Variants in XRN2 observed in about 807,000 individuals in gnomAD.
XRN2 encodes the protein DHM1-like protein.
In XRN2, 44 loss-of-function variants were observed where a neutral mutation model predicts 138.5. The ratio of observed to expected loss-of-function variants is 0.32; its 90% CI spans 0.25 to 0.41. XRN2 has a LOEUF of 0.41. Ranked by LOEUF, XRN2 falls within the 10% of genes least tolerant of loss-of-function variation. The pLI, the probability that XRN2 is intolerant of heterozygous loss-of-function variation, is 1.00. For synonymous variants in XRN2, 354 were observed against 369.4 expected (o/e 0.96, Z 0.48); for missense variants, 937 against 1,169.3 (o/e 0.80, Z 2.90).
At chr20:21,376,021 G>A (rs1178186159) in intron 27 of XRN2, among the ~76,000 whole-genome samples, 2 of 152,074 alleles carry the variant, frequency 1.3e-5, no homozygotes, top group East Asian at 3.9e-4. Context: ...TGTGTTTTTA[G>A]TAGAGACGGG....
chr20:21,374,857 T>G (rs1464041378), intron 27 of XRN2, among the ~76,000 whole-genome samples: 1 of 151,992 alleles, frequency 6.6e-6, no homozygotes, highest in Non-Finnish European at 1.5e-5. Context: ...TATCGTTAGA[T>G]TGTCGTCATT....
At chr20:21,308,187 C>T (rs898867293) in intron 1 of XRN2, among the ~76,000 whole-genome samples, 17 of 151,762 alleles carry the variant, frequency 1.1e-4, no homozygotes, top group Non-Finnish European at 2.2e-4. Flanking sequence ...CTGCCTGCCT[C>T]GTCTTTTAAT....
chr20:21,324,922 T>C (rs771657917), intron 1 of XRN2, among the ~76,000 whole-genome samples: 1 of 152,262 alleles, frequency 6.6e-6, no homozygotes, highest in African/African-American at 2.4e-5. Context: ...ATCACTATTA[T>C]CTGATTTTAG....
intron 1 of XRN2, among the ~76,000 whole-genome samples, chr20:21,318,720 T>G (rs1401400548): frequency 6.6e-6 from 1 of 152,156 alleles, no homozygotes; most frequent in Non-Finnish European, 1.5e-5. Flanking sequence ...TTGGTTATTT[T>G]GGACTGTGTT....
At chr20:21,320,021 AGTAACTTTAGTAAACTTTTT>A (rs2038015626) in intron 1 of XRN2, among the ~76,000 whole-genome samples, 1 of 152,156 alleles carries the variant, frequency 6.6e-6, no homozygotes, top group Admixed American at 6.5e-5. Context: ...CACTTGCTTT[AGTAACTTTAGTAAACTTTTT>A]GTAACTTTAT....
At chr20:21,383,599 A>C (rs1330836698) in intron 28 of XRN2, among the ~76,000 whole-genome samples, 2 of 152,182 alleles carry the variant, frequency 1.3e-5, no homozygotes, top group African/African-American at 2.4e-5. Flanking sequence ...ATTTACTCTG[A>C]GCGTAATATA....
intron 17 of XRN2, among the ~76,000 whole-genome samples, chr20:21,347,887 GT>G (rs1353896647): frequency 6.6e-6 from 1 of 152,150 alleles, no homozygotes; most frequent in African/African-American, 2.4e-5. Flanking sequence ...TGAATATGAA[GT>G]TTGGCAGTAA....
chr20:21,304,066 C>T (rs896454767), intron 1 of XRN2, among the ~76,000 whole-genome samples: 5 of 152,184 alleles, frequency 3.3e-5, no homozygotes, highest in Admixed American at 1.3e-4. Flanking sequence ...AGAAGTTACC[C>T]TTCTCTGTGT....
chr20:21,308,320 A>C (rs1251850514), intron 1 of XRN2, among the ~76,000 whole-genome samples: 1 of 152,232 alleles, frequency 6.6e-6, no homozygotes, highest in Non-Finnish European at 1.5e-5. Flanking sequence ...ACATCTCTGT[A>C]CAAGTCATTG....
chr20:21,365,610 A>G lies in XRN2; in HGVS notation c.2362A>G (p.Lys788Glu), dbSNP rs1312691105. 3 of 1,613,320 alleles carry G rather than the reference A, an allele frequency of 1.9e-6. No individual in the cohort carries two copies. In the African/African-American group the frequency reaches 4.0e-5, roughly 22 times the overall value. The change falls in exon 26 of 30, where the codon AAA becomes GAA. Residue 788 changes from lysine (K) to glutamate (E), a missense_variant. Physicochemically the swap from Lys to Glu is moderately conservative, Grantham distance 56. Transcript: ENST00000377191. ...AGTACTGAAACCTAGTGACTGGGAA[A>G]AATCCAGCAATGGACGGCAGTGGAA... Reference protein sequence around the residue: ...AAVLKPSDWEKSSNGRQWKPQ... With the variant: ...AAVLKPSDWEESSNGRQWKPQ...
chr20:21,350,488 T>C (rs528697983), intron 20 of XRN2, among the ~76,000 whole-genome samples: 2 of 115,344 alleles, frequency 1.7e-5, no homozygotes, highest in East Asian at 2.9e-4. Flanking sequence ...ATAGCACCAC[T>C]GCACTCCAGC....
chr20:21,383,681 C>T (rs1218236368), intron 28 of XRN2, among the ~76,000 whole-genome samples: 1 of 152,210 alleles, frequency 6.6e-6, no homozygotes, highest in Non-Finnish European at 1.5e-5. Context: ...TTCCTCCCCT[C>T]TGTTCACATT....
At chr20:21,385,272 G>A (rs560283518) in intron 28 of XRN2, among the ~76,000 whole-genome samples, 22 of 152,134 alleles carry the variant, frequency 1.4e-4, no homozygotes, top group Non-Finnish European at 3.1e-4. Flanking sequence ...TTTTTAGCCC[G>A]TGGGTTTTGC....
intron 24 of XRN2, among the ~76,000 whole-genome samples, chr20:21,363,061 G>T (rs779371050): frequency 5.9e-5 from 9 of 152,054 alleles, no homozygotes; most frequent in Non-Finnish European, 1.2e-4. Flanking sequence ...GCAGCCTCTT[G>T]GATGATGTTT....
Position 21,326,285 on chromosome 20 carries a change from G to A in XRN2, c.82G>A (p.Glu28Lys). Reference sequence around the variant, plus strand: ...AATTATCACTTCCTCATAGCCAAAAGAATGCAATGGTGTAAAGATTCCAGT... The same window carrying A: ...AATTATCACTTCCTCATAGCCAAAAAAATGCAATGGTGTAAAGATTCCAGT... ...IVNCVEEKPK[E>K]CNGVKIPVDA... The change falls in exon 2 of 30, where the codon GAA becomes AAA. Residue 28 changes from glutamate (E) to lysine (K), a missense_variant. Glu to Lys is a moderately conservative substitution (Grantham distance 56, BLOSUM62 1). Coordinates refer to ENST00000377191, the MANE Select transcript of XRN2 (RefSeq NM_012255.5). 1 of 1,612,908 alleles carries A rather than the reference G, an allele frequency of 6.2e-7. No individual in the cohort carries two copies. Among genetic ancestry groups the A allele is most frequent in the South Asian group, 1.1e-5 (1 of 90,940 alleles).
chr20:21,375,189 T>C (rs565868179), intron 27 of XRN2, among the ~76,000 whole-genome samples: 23 of 148,336 alleles, frequency 1.6e-4, no homozygotes, highest in African/African-American at 5.5e-4. Context: ...TCTATTTAAT[T>C]TTTTTTTTTT....
rs1188699081 is a variant in XRN2, at chr20:21,307,651, C to A, written c.75+4178C>A. On this transcript the variant is annotated intron_variant, in intron 1 of 29. Coordinates refer to ENST00000377191, the MANE Select transcript of XRN2 (RefSeq NM_012255.5). ...TGGGCTTAAAGTATATAATTTAATA[C>A]AGTGCATACATCTGTGAAACCAGCA... is the stretch of plus-strand genomic sequence containing the variant. 9.2e-5 allele frequency among the ~76,000 whole-genome samples: 7 copies of A among 76,110 alleles called. 3 individuals carry two copies. The highest frequency in any genetic ancestry group is 1.8e-4 in the African/African-American group (5 of 27,806). The allele number at this position is 76,110 out of a possible 152,430, so 49.9% of individuals were successfully genotyped here. A position where few individuals can be genotyped will look rare whatever the true frequency, so the allele number is the denominator to read the frequency against.
chr20:21,370,307 C>CT (rs1207232040), intron 27 of XRN2, among the ~76,000 whole-genome samples: 5 of 152,090 alleles, frequency 3.3e-5, no homozygotes, highest in Non-Finnish European at 7.4e-5. Context: ...CAGCTTTGTT[C>CT]TTTTTGCTCA....
At chr20:21,376,517 T>G (rs1471963651) in intron 27 of XRN2, among the ~76,000 whole-genome samples, 1 of 152,196 alleles carries the variant, frequency 6.6e-6, no homozygotes, top group Non-Finnish European at 1.5e-5. Context: ...TGGGCACTAG[T>G]CTGTTTGTTT....
Sources: gnomAD v4.1 joint callset for allele counts (sites outside exome capture counted in the v4.1 genomes callset) on GRCh38, gnomAD v4.1.1 for gene constraint, MANE v1.5 for transcripts, NCBI Gene and HGNC (gene_info 2026-07-23, HGNC 2026-07-21) for gene names.